Variants in PCDHA9 observed in about 807,000 individuals in gnomAD.
PCDHA9 encodes the protein protocadherin alpha-9.
PCDHA9 carries 62 observed loss-of-function variants against 62.0 expected under a neutral mutation model. The ratio of observed to expected loss-of-function variants is 1.00; its 90% CI spans 0.81 to 1.23. The LOEUF (loss-of-function observed/expected upper bound fraction) is 1.23. PCDHA9 is among the 50% of genes most tolerant of loss of function. PCDHA9 has a pLI of 0.00. For synonymous variants in PCDHA9, 557 were observed against 567.6 expected (o/e 0.98, Z 0.27); for missense variants, 1,205 against 1,249.8 (o/e 0.96, Z 0.54).
chr5:140,862,874 T>G (rs2047608966), intron 1 of PCDHA9: 1 of 568,426 alleles, frequency 1.8e-6, no homozygotes, highest in South Asian at 1.4e-5. Context: ...CTGCCAGGTA[T>G]TAGTGCTGGA....
intron 1 of PCDHA9, among the ~76,000 whole-genome samples, chr5:140,902,684 A>G (rs1173996816): frequency 6.6e-6 from 1 of 152,100 alleles, no homozygotes; most frequent in Non-Finnish European, 1.5e-5. Flanking sequence ...ACCGTACCTA[A>G]TATGTGTAGT....
chr5:140,958,454 T>G (rs2095424871), intron 1 of PCDHA9, among the ~76,000 whole-genome samples: 1 of 152,168 alleles, frequency 6.6e-6, no homozygotes, highest in African/African-American at 2.4e-5. Flanking sequence ...CCTTTTATTC[T>G]TCAACTTCTG....
intron 1 of PCDHA9, among the ~76,000 whole-genome samples, chr5:140,951,812 A>G (rs2094639418): frequency 1.3e-5 from 2 of 152,152 alleles, no homozygotes; most frequent in Admixed American, 1.3e-4. Context: ...ATGGTCCCTC[A>G]AAGTCTGAAC....
In PCDHA9 at chr5:140,849,585, C is replaced by A. The variant is rs147876741; in HGVS notation, c.1090C>A (p.Gln364Lys). 8 of 1,598,624 alleles carry A rather than the reference C, an allele frequency of 5.0e-6. No homozygotes were observed. Among genetic ancestry groups the A allele is most frequent in the Admixed American group, 3.4e-5 (2 of 59,262 alleles). ...CTCGGTTCCTGTAAAAGAGGACGCA[C>A]AACTGGGGACAGTTATTGCCCTGAT... is the stretch of plus-strand genomic sequence containing the variant. ...TLSVPVKEDA[Q>K]LGTVIALISV... Residue 364 changes from glutamine to lysine, a missense_variant, in exon 1 of 4, where the codon CAA (glutamine) becomes AAA (lysine). By Grantham distance (53) the Gln-to-Lys change is moderately conservative. Around this residue, in one of 3 missense-constraint regions of PCDHA9, gnomAD observed 887 missense variants for 809.5 expected, o/e 1.10. Transcript: ENST00000532602.
rs1554262648 is a variant in PCDHA9, at chr5:141,010,047, A to G, written c.*110A>G. On this transcript the variant is annotated 3_prime_UTR_variant, in exon 4 of 4. Coordinates refer to ENST00000532602, the MANE Select transcript of PCDHA9 (RefSeq NM_031857.2). The stretch of plus-strand genomic sequence containing the variant: ...CCTATCTACATGAGCCCTCTTAGAG[A>G]CCTCAGAAATCTGCAGAAAGTTCCC... 1.9e-6 allele frequency: 3 copies of G among 1,595,144 alleles called. No homozygotes were observed. The highest frequency in any genetic ancestry group is 1.7e-6 in the Non-Finnish European group (2 of 1,171,458).
chr5:140,879,467 C>T (rs1331120758), intron 1 of PCDHA9, among the ~76,000 whole-genome samples: 1 of 152,040 alleles, frequency 6.6e-6, no homozygotes, highest in Admixed American at 6.6e-5. Context: ...TAAGAGAATA[C>T]CGTTGTGATT....
chr5:140,945,998 A>G (rs246057), intron 1 of PCDHA9, among the ~76,000 whole-genome samples: 85,388 of 151,608 alleles, frequency 0.56, 24,621 homozygotes, highest in African/African-American at 0.69. Context: ...GATTGCATCA[A>G]ACTAAAAAGC....
intron 1 of PCDHA9, among the ~76,000 whole-genome samples, chr5:140,975,280 T>C (rs914764307): frequency 6.6e-6 from 1 of 152,252 alleles, no homozygotes; most frequent in Non-Finnish European, 1.5e-5. Flanking sequence ...CTCTGACCTC[T>C]AGACCCAGAT....
At chr5:140,945,155 A>G (rs566867183) in intron 1 of PCDHA9, among the ~76,000 whole-genome samples, 22 of 152,284 alleles carry the variant, frequency 1.4e-4, no homozygotes, top group African/African-American at 5.3e-4. Context: ...TCTATACACT[A>G]TTGAACTATC....
intron 3 of PCDHA9, among the ~76,000 whole-genome samples, chr5:140,992,231 G>C (rs1234271245): frequency 1.3e-5 from 2 of 152,176 alleles, no homozygotes; most frequent in African/African-American, 4.8e-5. Context: ...CCTGGGAAGA[G>C]TAAGGAAGGA....
At chr5:140,870,370 GT>G in intron 1 of PCDHA9, 1 of 1,614,208 alleles carries the variant, frequency 6.2e-7, no homozygotes. Context: ...CTATGAACTG[GT>G]GGTGACTGCG....
Position 140,852,281 on chromosome 5 carries a change from T to C in PCDHA9, c.2394+1392T>C, listed in dbSNP as rs2150514779. ...ATGCTACAATATTACATGTTTTTTG[T>C]CTTTTTATTTTTCTGAGACGGAGTC... On this transcript the variant is annotated intron_variant, in intron 1 of 3. Coordinates refer to ENST00000532602, the MANE Select transcript of PCDHA9 (RefSeq NM_031857.2). 5.5e-5 allele frequency: 28 copies of C among 508,306 alleles called. 1 individual carries two copies. In the South Asian group the frequency reaches 2.0e-3, roughly 37 times the overall value. 31.5% of individuals were successfully genotyped at this position (508,306 alleles called of 1,614,324 possible).
In PCDHA9 at chr5:140,848,405, C is replaced by T; in HGVS notation, c.-91C>T. On this transcript the variant is annotated 5_prime_UTR_variant, in exon 1 of 4. Transcript: ENST00000532602. ...TCACTCTCTCTGTGCTGAACGATGG[C>T]GAACACAGCAGAATGGGACTGACGA... 2 of 1,329,956 alleles carry T rather than the reference C, an allele frequency of 1.5e-6. No individual in the cohort carries two copies. The highest frequency in any genetic ancestry group is 2.1e-6 in the Non-Finnish European group (2 of 959,224). 82.4% of individuals were successfully genotyped at this position (1,329,956 alleles called of 1,614,324 possible).
rs552289184 is a variant in PCDHA9, at chr5:140,942,884, T to C, written c.2395-36065T>C. 7.9e-5 allele frequency among the ~76,000 whole-genome samples: 12 copies of C among 152,178 alleles called. No individual in the cohort carries two copies. In the East Asian group the frequency reaches 2.3e-3, roughly 29 times the overall value. ...TGCTTTAGCATGACAACTTTTTTCC[T>C]AAAATTTATCTCTAAGAATAAGCGT... On this transcript the variant is annotated intron_variant, in intron 1 of 3. Transcript: ENST00000532602.
chr5:140,980,598 C>G (rs574589264), intron 2 of PCDHA9, among the ~76,000 whole-genome samples: 1 of 152,152 alleles, frequency 6.6e-6, no homozygotes, highest in South Asian at 2.1e-4. Flanking sequence ...CCACTGCACT[C>G]CAGCCTGGCG....
At chr5:140,862,493 C>T (rs1554156460) in intron 1 of PCDHA9, 4 of 388,658 alleles carry the variant, frequency 1.0e-5, no homozygotes, top group Admixed American at 3.4e-5. Context: ...GGTAATCGCT[C>T]GGAATGGGGA....
chr5:140,877,096 G>C (rs1554169320), intron 1 of PCDHA9: 1 of 1,613,378 alleles, frequency 6.2e-7, no homozygotes, highest in Non-Finnish European at 8.5e-7. Flanking sequence ...CGACGCCGGC[G>C]TGCCGCCTCT....
chr5:140,983,282 G>A (rs1030439196), intron 3 of PCDHA9, among the ~76,000 whole-genome samples: 1 of 152,152 alleles, frequency 6.6e-6, no homozygotes, highest in Non-Finnish European at 1.5e-5. Context: ...GTGAGTATAG[G>A]AAAATTGCTT....
At chr5:140,940,547 C>G (rs1256617271) in intron 1 of PCDHA9, among the ~76,000 whole-genome samples, 1 of 152,018 alleles carries the variant, frequency 6.6e-6, no homozygotes, top group Admixed American at 6.6e-5. Flanking sequence ...TTCCTGGGCT[C>G]AAGTGATTCT....
Sources: allele counts gnomAD v4.1 joint callset (sites outside exome capture counted in the v4.1 genomes callset), GRCh38; gene constraint gnomAD v4.1.1; regional missense constraint gnomAD v4.1.1; transcripts MANE v1.5; gene names NCBI Gene and HGNC (gene_info 2026-07-23, HGNC 2026-07-21).